GRID2: variants seen among roughly 807,000 people sequenced by gnomAD.
GRID2 encodes the protein glutamate receptor ionotropic, delta-2.
Under a neutral mutation model 114.8 loss-of-function variants are expected in GRID2, and 33 were observed. That is an observed-to-expected ratio of 0.29 (90% CI 0.22 to 0.38). The LOEUF is 0.38. Among genes scored for constraint, GRID2 ranks in the 10% least tolerant of loss-of-function variants. GRID2 has a pLI of 1.00. For synonymous variants in GRID2, 505 were observed against 449.9 expected, an observed-to-expected ratio of 1.12 and a Z score of -1.55; for missense variants, 1,184 against 1,257.7, an observed-to-expected ratio of 0.94 and a Z score of 0.89.
chr4:92,874,719 C>T (rs1257758024), intron 2 of GRID2, among the ~76,000 whole-genome samples: 2 of 152,148 alleles, frequency 1.3e-5, no homozygotes, highest in Non-Finnish European at 2.9e-5. Flanking sequence ...ATTTAATGCA[C>T]GCCATGAGCG....
intron 2 of GRID2, among the ~76,000 whole-genome samples, chr4:92,780,846 C>T (rs926953607): frequency 6.6e-6 from 1 of 151,510 alleles, no homozygotes; most frequent in African/African-American, 2.4e-5. Flanking sequence ...TATAATGTGT[C>T]CACCCATCAA....
At chr4:93,269,143 A>C (rs2149564960) in intron 8 of GRID2, among the ~76,000 whole-genome samples, 1 of 152,290 alleles carries the variant, frequency 6.6e-6, no homozygotes, top group Non-Finnish European at 1.5e-5. Context: ...GGAAGACTAG[A>C]ATATCCATGT....
intron 14 of GRID2, among the ~76,000 whole-genome samples, chr4:93,692,043 A>C (rs1337061750): frequency 1.3e-5 from 2 of 152,062 alleles, no homozygotes; most frequent in Non-Finnish European, 2.9e-5. Flanking sequence ...TCAAGAAGTC[A>C]AAAAAGTCAA....
intron 1 of GRID2, among the ~76,000 whole-genome samples, chr4:92,548,914 A>G (rs532739142): frequency 3.3e-5 from 5 of 152,026 alleles, no homozygotes; most frequent in Non-Finnish European, 7.4e-5. Flanking sequence ...TTTCATAAGA[A>G]CTCTATCACA....
chr4:92,607,386 T>C (rs1729511233), intron 2 of GRID2, among the ~76,000 whole-genome samples: 1 of 151,990 alleles, frequency 6.6e-6, no homozygotes, highest in Non-Finnish European at 1.5e-5. Flanking sequence ...TTTTTTGTGA[T>C]AAGAATTTTT....
chr4:93,076,440 T>C (rs1729306998), intron 2 of GRID2, among the ~76,000 whole-genome samples: 1 of 152,112 alleles, frequency 6.6e-6, no homozygotes, highest in Non-Finnish European at 1.5e-5. Context: ...AAATTGGTTT[T>C]AGATTTTCAG....
intron 8 of GRID2, among the ~76,000 whole-genome samples, chr4:93,265,439 A>G (rs1014450480): frequency 2.0e-5 from 3 of 152,212 alleles, no homozygotes; most frequent in Non-Finnish European, 2.9e-5. Flanking sequence ...TTTAGAAACT[A>G]TAGTAAATCC....
intron 10 of GRID2, among the ~76,000 whole-genome samples, chr4:93,423,291 TCACAATGTAAGTTA>T (rs1768486298): frequency 1.3e-5 from 2 of 149,490 alleles, no homozygotes; most frequent in Non-Finnish European, 3.0e-5. Flanking sequence ...CGTGATGAAA[TCACAATGTAAGTTA>T]CACATGCAAT....
At chr4:92,537,966 T>C (rs1725737187) in intron 1 of GRID2, among the ~76,000 whole-genome samples, 1 of 152,160 alleles carries the variant, frequency 6.6e-6, no homozygotes, top group African/African-American at 2.4e-5. Flanking sequence ...TTATCTTCTG[T>C]CCAATCTTCA....
chr4:93,269,041 T>C (rs1751149826), intron 8 of GRID2, among the ~76,000 whole-genome samples: 1 of 152,208 alleles, frequency 6.6e-6, no homozygotes. Context: ...TACAGATATG[T>C]AATTTTGAAA....
intron 2 of GRID2, among the ~76,000 whole-genome samples, chr4:93,021,546 G>A (rs919665664): frequency 6.9e-6 from 1 of 145,426 alleles, no homozygotes; most frequent in African/African-American, 2.5e-5. Flanking sequence ...AAAAATGAAT[G>A]AAAACAAATT....
At chr4:92,410,912 C>G (rs1429965296) in intron 1 of GRID2, among the ~76,000 whole-genome samples, 1 of 137,312 alleles carries the variant, frequency 7.3e-6, no homozygotes, top group East Asian at 2.2e-4. Flanking sequence ...TATAAACAGT[C>G]TCACCTCAGT....
intron 2 of GRID2, among the ~76,000 whole-genome samples, chr4:93,034,290 G>C (rs138898637): frequency 1.3e-4 from 20 of 152,128 alleles, no homozygotes; most frequent in Non-Finnish European, 2.2e-4. Flanking sequence ...AGGCAATAAT[G>C]TGGGCAAGGC....
At chr4:93,220,308 T>G (rs1744727360) in intron 6 of GRID2, among the ~76,000 whole-genome samples, 1 of 151,988 alleles carries the variant, frequency 6.6e-6, no homozygotes, top group Non-Finnish European at 1.5e-5. Context: ...GATTTTTATG[T>G]GGTGTTTGAC....
rs73839295 is a variant in GRID2, at chr4:92,358,230, C to T, written c.88+53486C>T. On this transcript the variant is annotated intron_variant, in intron 1 of 15. Transcript: ENST00000282020. ...GCAAGAATGTGCAAAGCACTGAGAG[C>T]GGTAATGAGCTTTCATGTTGTTCAC... Among the ~76,000 whole-genome samples, 1,111 of 151,934 alleles carry T rather than the reference C, an allele frequency of 7.3e-3. 9 individuals are homozygous for T. The highest frequency in any genetic ancestry group is 0.026 in the African/African-American group (1,068 of 41,472).
In GRID2 at chr4:92,449,710, T is replaced by A. The variant is rs181214239; in HGVS notation, c.89-140421T>A. 7.1e-3 allele frequency among the ~76,000 whole-genome samples: 929 copies of A among 131,654 alleles called. 13 individuals carry two copies. Among genetic ancestry groups the A allele is most frequent in the African/African-American group, 0.025 (872 of 34,332 alleles). The allele number at this position is 131,654 out of a possible 152,430, so 86.4% of individuals were successfully genotyped here. On this transcript the variant is annotated intron_variant, in intron 1 of 15. Transcript: ENST00000282020. Reference sequence around the variant, plus strand: ...ATATATATATATATATATATATATATAACACTTAAGCCAAATTCATTTATA... The same window carrying A: ...ATATATATATATATATATATATATAAAACACTTAAGCCAAATTCATTTATA...
At chr4:93,712,716 T>C (rs1035400173) in intron 14 of GRID2, among the ~76,000 whole-genome samples, 1 of 152,218 alleles carries the variant, frequency 6.6e-6, no homozygotes, top group Non-Finnish European at 1.5e-5. Flanking sequence ...ATTTCCATAA[T>C]GTGTGAGATG....
chr4:92,814,360 T>A (rs759527618), intron 2 of GRID2, among the ~76,000 whole-genome samples: 3 of 152,130 alleles, frequency 2.0e-5, no homozygotes, highest in Non-Finnish European at 4.4e-5. Context: ...AAGAATATAG[T>A]AATAATAATT....
chr4:92,555,374 C>T (rs1240086155), intron 1 of GRID2, among the ~76,000 whole-genome samples: 25 of 151,988 alleles, frequency 1.6e-4, no homozygotes. Flanking sequence ...ATTTAAGAGT[C>T]AAAGCTACAG....
Sources: allele counts gnomAD v4.1 joint callset (sites outside exome capture counted in the v4.1 genomes callset), GRCh38; gene constraint gnomAD v4.1.1; transcripts MANE v1.5; gene names NCBI Gene and HGNC (gene_info 2026-07-23, HGNC 2026-07-21).